Variants in CDS1 observed in about 807,000 individuals in gnomAD.
CDS1 encodes phosphatidate cytidylyltransferase 1.
A neutral mutation model predicts 62.1 loss-of-function variants in CDS1; 41 were observed. The observed-to-expected ratio is 0.66, with a 90% CI of 0.51 to 0.86. The LOEUF (loss-of-function observed/expected upper bound fraction) is 0.86. CDS1 is among the 40% of genes least tolerant of loss of function. The pLI is 0.00. For synonymous variants in CDS1, 185 were observed against 192.6 expected, an observed-to-expected ratio of 0.96 and a Z score of 0.32; for missense variants, 470 against 550.1, an observed-to-expected ratio of 0.85 and a Z score of 1.46.
chr4:84,606,051 A>T (rs1219451889), intron 2 of CDS1, among the ~76,000 whole-genome samples: 2 of 152,090 alleles, frequency 1.3e-5, no homozygotes, highest in Non-Finnish European at 2.9e-5. Context: ...AATCTTCTCG[A>T]GAAACTTTTC....
rs962156887 is a variant in CDS1 at position 84,583,150 on chromosome 4, CCCGGAGCCTGCCCGGGACCTCCG to C, written c.-243_-221del. The C allele has an allele frequency of 2.3e-6, 1 of 430,944 alleles. No individual in the cohort carries two copies. The highest frequency in any genetic ancestry group is 2.1e-5 in the African/African-American group (1 of 47,842). The allele number at this position is 430,944 out of a possible 1,614,324, so 26.7% of individuals were successfully genotyped here. A position where few individuals can be genotyped will look rare whatever the true frequency, so the allele number is the denominator to read the frequency against. Reference sequence around the variant, plus strand: ...CCGCCTTCTCTGCTCGCGCCTGGCGCCCGGAGCCTGCCCGGGACCTCCGCCGGAGCCGCGCTCGCTGCAGGCGG... The same window carrying C: ...CCGCCTTCTCTGCTCGCGCCTGGCGCCCGGAGCCGCGCTCGCTGCAGGCGG... On this transcript the variant is annotated 5_prime_UTR_variant, in exon 1 of 13. Transcript: ENST00000295887.
chr4:84,628,291 A>C (rs114226346), intron 5 of CDS1, among the ~76,000 whole-genome samples: 3,220 of 152,290 alleles, frequency 0.021, 43 homozygotes, highest in Middle Eastern at 0.054. Flanking sequence ...AAATTTTAAA[A>C]ACAACTTTAT....
chr4:84,644,081 G>A (rs1349155158), intron 11 of CDS1, among the ~76,000 whole-genome samples: 1 of 152,174 alleles, frequency 6.6e-6, no homozygotes, highest in Non-Finnish European at 1.5e-5. Context: ...AGTAGGAGAT[G>A]AGACCGCAGA....
At chr4:84,603,806 A>G (rs1388477489) in intron 1 of CDS1, among the ~76,000 whole-genome samples, 1 of 152,210 alleles carries the variant, frequency 6.6e-6, no homozygotes, top group African/African-American at 2.4e-5. Flanking sequence ...GGAAGTTGAA[A>G]TGTTTACAAA....
At chr4:84,628,720 A>T (rs1723930261) in intron 5 of CDS1, among the ~76,000 whole-genome samples, 1 of 152,146 alleles carries the variant, frequency 6.6e-6, no homozygotes, top group South Asian at 2.1e-4. Context: ...TATTTCATAG[A>T]GACAGGATCC....
At chr4:84,624,559 A>G (rs1723798603) in intron 5 of CDS1, among the ~76,000 whole-genome samples, 2 of 152,086 alleles carry the variant, frequency 1.3e-5, no homozygotes, top group Admixed American at 1.3e-4. Flanking sequence ...ATGGATTTAT[A>G]TTGGCACATC....
At chr4:84,589,854 A>G (rs1353709732) in intron 1 of CDS1, among the ~76,000 whole-genome samples, 1 of 152,072 alleles carries the variant, frequency 6.6e-6, no homozygotes, top group African/African-American at 2.4e-5. Flanking sequence ...TCTGTTGCCC[A>G]GGCTGGAGTG....
intron 3 of CDS1, among the ~76,000 whole-genome samples, chr4:84,615,934 G>C (rs1578034531): frequency 6.6e-6 from 1 of 152,122 alleles, no homozygotes; most frequent in Admixed American, 6.5e-5. Context: ...TGTTTTCCTA[G>C]AAGTTCCATA....
chr4:84,611,315 T>C (rs1444073196), intron 3 of CDS1, among the ~76,000 whole-genome samples: 1 of 152,202 alleles, frequency 6.6e-6, no homozygotes, highest in Admixed American at 6.5e-5. Context: ...TTTATTGGTA[T>C]TATCATTGTT....
chr4:84,648,875 A>G lies in CDS1; in HGVS notation c.*189A>G, dbSNP rs967188255. 10 of 517,754 alleles carry G rather than the reference A, an allele frequency of 1.9e-5. No individual in the cohort carries two copies. The highest frequency in any genetic ancestry group is 2.9e-5 in the Non-Finnish European group (9 of 305,940). 32.1% of individuals were successfully genotyped at this position (517,754 alleles called of 1,614,324 possible). A position where few individuals can be genotyped will look rare whatever the true frequency, so the allele number is the denominator to read the frequency against. On this transcript the variant is annotated 3_prime_UTR_variant, in exon 13 of 13. Transcript: ENST00000295887. Reference sequence around the variant, plus strand: ...GATCTATGTTATGAAATAAGTAGCAAATTGCCAGCAAAATGTCTTGTACCT... The same window carrying G: ...GATCTATGTTATGAAATAAGTAGCAGATTGCCAGCAAAATGTCTTGTACCT...
intron 5 of CDS1, among the ~76,000 whole-genome samples, chr4:84,622,882 T>C (rs1361771623): frequency 6.6e-6 from 1 of 152,200 alleles, no homozygotes; most frequent in African/African-American, 2.4e-5. Context: ...ACCTAAAATA[T>C]CACTTCCTGT....
chr4:84,620,219 GTT>G (rs1209622035), intron 5 of CDS1, among the ~76,000 whole-genome samples: 3,809 of 109,696 alleles, frequency 0.035, 20 homozygotes, highest in African/African-American at 0.058. Context: ...GTAATTAGTT[GTT>G]TTTTTTTTTT....
At chr4:84,615,680 C>G (rs1013724619) in intron 3 of CDS1, among the ~76,000 whole-genome samples, 1 of 152,180 alleles carries the variant, frequency 6.6e-6, no homozygotes, top group Admixed American at 6.5e-5. Context: ...GACTGTACCT[C>G]TCTGTGAACA....
At chr4:84,598,262 A>T (rs1279472880) in intron 1 of CDS1, among the ~76,000 whole-genome samples, 3 of 152,076 alleles carry the variant, frequency 2.0e-5, no homozygotes, top group Non-Finnish European at 4.4e-5. Flanking sequence ...GCCTCCTTTC[A>T]GGTGTGGAGC....
intron 1 of CDS1, among the ~76,000 whole-genome samples, chr4:84,593,056 C>T (rs969865487): frequency 7.9e-5 from 12 of 152,154 alleles, no homozygotes; most frequent in South Asian, 2.1e-4. Context: ...AAATTAGACT[C>T]GTCTTTCAAG....
intron 1 of CDS1, among the ~76,000 whole-genome samples, chr4:84,600,766 T>G (rs1468885754): frequency 1.3e-5 from 2 of 152,222 alleles, no homozygotes; most frequent in African/African-American, 4.8e-5. Flanking sequence ...CTCTTCTATG[T>G]TCTTTGCATT....
At chr4:84,620,788 T>C (rs111858856) in intron 5 of CDS1, among the ~76,000 whole-genome samples, 10,825 of 151,778 alleles carry the variant, frequency 0.071, 647 homozygotes, top group African/African-American at 0.16. Flanking sequence ...GGGCTGGGCG[T>C]GGTGGCTCAT....
At chr4:84,605,099 C>G (rs7654064) in intron 2 of CDS1, among the ~76,000 whole-genome samples, 1 of 152,028 alleles carries the variant, frequency 6.6e-6, no homozygotes, top group Non-Finnish European at 1.5e-5. Context: ...GCAAAGTAAA[C>G]CTAAGCTTTT....
Position 84,583,129 on chromosome 4 carries a change from C to T in CDS1, c.-273C>T. The T allele has an allele frequency of 5.0e-6, 2 of 400,394 alleles. No individual in the cohort carries two copies. The highest frequency in any genetic ancestry group is 9.0e-6 in the Non-Finnish European group (2 of 223,298). 24.8% of individuals were successfully genotyped at this position (400,394 alleles called of 1,614,324 possible). Reference sequence around the variant, plus strand: ...TGGCAACCGGAGGCCGCGTCTCCGCCTTCTCTGCTCGCGCCTGGCGCCCGG... The same window carrying T: ...TGGCAACCGGAGGCCGCGTCTCCGCTTTCTCTGCTCGCGCCTGGCGCCCGG... On this transcript the variant is annotated 5_prime_UTR_variant, in exon 1 of 13. Transcript: ENST00000295887.
Sources: allele counts gnomAD v4.1 joint callset (sites outside exome capture counted in the v4.1 genomes callset), GRCh38; gene constraint gnomAD v4.1.1; transcripts MANE v1.5; gene names NCBI Gene and HGNC (gene_info 2026-07-23, HGNC 2026-07-21).